ARHGAP24: variants seen among roughly 807,000 people sequenced by gnomAD.
ARHGAP24 encodes rho GTPase-activating protein 24.
Under a neutral mutation model 76.4 loss-of-function variants are expected in ARHGAP24, and 50 were observed. That is an observed-to-expected ratio of 0.65 (90% CI 0.52 to 0.83). The LOEUF (loss-of-function observed/expected upper bound fraction) is 0.83. Ranked by LOEUF, ARHGAP24 falls within the 40% of genes least tolerant of loss-of-function variation. The pLI, the probability that ARHGAP24 is intolerant of heterozygous loss-of-function variation, is 0.00. For missense variants in ARHGAP24, 930 were observed against 914.2 expected, an observed-to-expected ratio of 1.02 and a Z score of -0.22; for synonymous variants, 345 against 323.3, an observed-to-expected ratio of 1.07 and a Z score of -0.72.
intron 2 of ARHGAP24, among the ~76,000 whole-genome samples, chr4:85,703,478 A>T (rs74929582): frequency 0.015 from 2,227 of 152,220 alleles, 46 homozygotes; most frequent in African/African-American, 0.05. Flanking sequence ...AATACCCCCA[A>T]GATAATGAAA....
chr4:85,496,709 G>A (rs1723598117), intron 1 of ARHGAP24, among the ~76,000 whole-genome samples: 1 of 152,170 alleles, frequency 6.6e-6, no homozygotes, highest in African/African-American at 2.4e-5. Flanking sequence ...AGAGTCTTAG[G>A]TGCCCCATAG....
At chr4:85,699,036 A>G (rs765669122) in intron 2 of ARHGAP24, among the ~76,000 whole-genome samples, 16 of 152,158 alleles carry the variant, frequency 1.1e-4, no homozygotes, top group Non-Finnish European at 2.1e-4. Flanking sequence ...CCCATCTCTA[A>G]TTACCATTAC....
At chr4:85,547,824 A>G (rs1725977804) in intron 1 of ARHGAP24, among the ~76,000 whole-genome samples, 1 of 152,220 alleles carries the variant, frequency 6.6e-6, no homozygotes, top group Admixed American at 6.5e-5. Context: ...TTAATTTGTA[A>G]GAAGAAACTT....
chr4:85,564,934 A>G (rs1372070057), intron 1 of ARHGAP24, among the ~76,000 whole-genome samples: 7 of 91,654 alleles, frequency 7.6e-5, no homozygotes, highest in African/African-American at 1.2e-4. Context: ...GTATATATAT[A>G]TATATATATA....
chr4:85,611,249 TA>T (rs1235482447), intron 2 of ARHGAP24, among the ~76,000 whole-genome samples: 2 of 152,150 alleles, frequency 1.3e-5, no homozygotes, highest in Non-Finnish European at 2.9e-5. Flanking sequence ...TTTTATATTA[TA>T]AAAAAACCTT....
intron 2 of ARHGAP24, among the ~76,000 whole-genome samples, chr4:85,696,830 A>T (rs568481264): frequency 2.0e-5 from 3 of 152,188 alleles, no homozygotes; most frequent in Non-Finnish European, 4.4e-5. Context: ...GACTTATATG[A>T]AAGGACACCA....
chr4:85,886,975 CA>C (rs1733600549), intron 3 of ARHGAP24, among the ~76,000 whole-genome samples: 1 of 152,022 alleles, frequency 6.6e-6, no homozygotes, highest in Non-Finnish European at 1.5e-5. Context: ...ATCTCATTAT[CA>C]ATCAGATAAT....
chr4:85,837,765 A>G (rs909444096), intron 3 of ARHGAP24, among the ~76,000 whole-genome samples: 2 of 152,162 alleles, frequency 1.3e-5, no homozygotes, highest in African/African-American at 4.8e-5. Flanking sequence ...CAATCCCAAT[A>G]AAACTGCCAT....
At chr4:85,850,227 T>C (rs1414727324) in intron 3 of ARHGAP24, among the ~76,000 whole-genome samples, 3 of 152,226 alleles carry the variant, frequency 2.0e-5, no homozygotes, top group Non-Finnish European at 4.4e-5. Context: ...TTTTCTAGTT[T>C]ATTTGCGTAG....
intron 1 of ARHGAP24, among the ~76,000 whole-genome samples, chr4:85,558,453 A>G (rs1471683813): frequency 5.9e-5 from 9 of 152,228 alleles, no homozygotes; most frequent in East Asian, 1.9e-4. Flanking sequence ...GTGCTAAAAT[A>G]TGTTCAAATT....
Position 85,509,970 on chromosome 4 carries a change from C to T in ARHGAP24, c.-21+34411C>T, listed in dbSNP as rs559824899. Among the ~76,000 whole-genome samples the T allele has an allele frequency of 8.5e-5, 13 of 152,184 alleles. 1 individual carries two copies. The East Asian group carries it at 1.7e-3, about 20-fold the overall frequency. ...ACAAAGATAGAGTGGTGGCAAGATG[C>T]GCCTCCATATGGATGCCCCTTGATC... On this transcript the variant is annotated intron_variant, in intron 1 of 9. Coordinates refer to ENST00000395184, the MANE Select transcript of ARHGAP24 (RefSeq NM_001025616.3).
chr4:85,895,364 A>G (rs777766906), intron 3 of ARHGAP24, among the ~76,000 whole-genome samples: 1 of 152,212 alleles, frequency 6.6e-6, no homozygotes, highest in Non-Finnish European at 1.5e-5. Context: ...ATGGAAATTT[A>G]TCTACACTAT....
rs1741049623 is a variant in ARHGAP24, at chr4:86,001,994, C to T, written c.*1272C>T. 6.6e-6 allele frequency: 1 copy of T among 152,140 alleles called. No homozygotes were observed. Among genetic ancestry groups the T allele is most frequent in the Admixed American group, 6.5e-5 (1 of 15,268 alleles). The allele number at this position is 152,140 out of a possible 1,614,324, so 9.4% of individuals were successfully genotyped here. A position where few individuals can be genotyped will look rare whatever the true frequency, so the allele number is the denominator to read the frequency against. The stretch of plus-strand genomic sequence containing the variant: ...TTCCAATTTTAGCAAATATGGGAAC[C>T]TCAGCAATGCTAATTTTCTAGAAAA... On this transcript the variant is annotated 3_prime_UTR_variant, in exon 10 of 10. Transcript: ENST00000395184.
chr4:85,972,755 C>T (rs1335007964), intron 6 of ARHGAP24, among the ~76,000 whole-genome samples: 2 of 152,036 alleles, frequency 1.3e-5, no homozygotes, highest in African/African-American at 4.8e-5. Context: ...CCTTTTTCCC[C>T]AGCGCTTGGC....
intron 1 of ARHGAP24, among the ~76,000 whole-genome samples, chr4:85,548,398 A>G (rs892913471): frequency 6.6e-6 from 1 of 152,142 alleles, no homozygotes; most frequent in African/African-American, 2.4e-5. Context: ...TTTTATTTCT[A>G]TATCTATGTG....
At chr4:85,859,198 C>T (rs1282526091) in intron 3 of ARHGAP24, among the ~76,000 whole-genome samples, 2 of 133,706 alleles carry the variant, frequency 1.5e-5, no homozygotes, top group Admixed American at 1.7e-4. Context: ...TACACACATA[C>T]ATAGCCACAT....
At chr4:85,545,760 G>A (rs1725899207) in intron 1 of ARHGAP24, among the ~76,000 whole-genome samples, 1 of 152,112 alleles carries the variant, frequency 6.6e-6, no homozygotes, top group Non-Finnish European at 1.5e-5. Flanking sequence ...GGAACATGAG[G>A]CTATGCATAT....
At chr4:85,517,733 G>A (rs1465086823) in intron 1 of ARHGAP24, among the ~76,000 whole-genome samples, 1 of 151,856 alleles carries the variant, frequency 6.6e-6, no homozygotes, top group East Asian at 1.9e-4. Flanking sequence ...GTTATTTGTG[G>A]GTTTTTTTGA....
intron 3 of ARHGAP24, among the ~76,000 whole-genome samples, chr4:85,767,143 A>G (rs901235585): frequency 3.9e-5 from 6 of 152,186 alleles, no homozygotes; most frequent in Non-Finnish European, 8.8e-5. Flanking sequence ...CACACAATGT[A>G]AAGTGGCCTA....
Sources: allele counts gnomAD v4.1 joint callset (sites outside exome capture counted in the v4.1 genomes callset), GRCh38; gene constraint gnomAD v4.1.1; transcripts MANE v1.5; gene names NCBI Gene and HGNC (gene_info 2026-07-23, HGNC 2026-07-21).